AKR1A1: variants seen among roughly 807,000 people sequenced by gnomAD.
AKR1A1 encodes the protein HEL-S-165mP.
Under a neutral mutation model 39.2 loss-of-function variants are expected in AKR1A1, and 26 were observed. The ratio of observed to expected loss-of-function variants is 0.66; its 90% CI spans 0.49 to 0.92. The LOEUF (loss-of-function observed/expected upper bound fraction) is 0.92, where lower values mean the gene tolerates loss of function less well. AKR1A1 is among the 40% of genes least tolerant of loss of function. AKR1A1 has a pLI of 0.00. For synonymous variants in AKR1A1, 141 were observed against 155.5 expected (o/e 0.91, Z 0.69); for missense variants, 378 against 406.5 (o/e 0.93, Z 0.60).
At chr1:45,551,496 G>A (rs1489310410) in intron 1 of AKR1A1, among the ~76,000 whole-genome samples, 4 of 152,158 alleles carry the variant, frequency 2.6e-5, no homozygotes, top group Non-Finnish European at 4.4e-5. Context: ...CAGCTGCTCC[G>A]GCTTTCTTAT....
At chr1:45,554,883 G>A in intron 1 of AKR1A1, among the ~76,000 whole-genome samples, 1 of 152,070 alleles carries the variant, frequency 6.6e-6, no homozygotes, top group East Asian at 1.9e-4. Context: ...TAGAGATTAA[G>A]TTTTGCCATG....
At chr1:45,553,387 A>G (rs1406909473) in intron 1 of AKR1A1, among the ~76,000 whole-genome samples, 1 of 150,792 alleles carries the variant, frequency 6.6e-6, no homozygotes, top group African/African-American at 2.4e-5. Context: ...ACACCACTGT[A>G]CTCCAGCCTG....
At chr1:45,558,042 T>TG (rs965316930) in intron 1 of AKR1A1, among the ~76,000 whole-genome samples, 2 of 149,918 alleles carry the variant, frequency 1.3e-5, no homozygotes, top group Non-Finnish European at 3.0e-5. Flanking sequence ...CCCGAGTAGC[T>TG]GGGATTAAGG....
intron 1 of AKR1A1, among the ~76,000 whole-genome samples, chr1:45,555,109 C>A (rs1434818548): frequency 5.3e-5 from 8 of 152,178 alleles, no homozygotes; most frequent in Admixed American, 3.9e-4. Context: ...AGTCAACACT[C>A]TATCCACAAG....
At chr1:45,554,879 T>C (rs667626) in intron 1 of AKR1A1, among the ~76,000 whole-genome samples, 75,781 of 151,776 alleles carry the variant, frequency 0.5, 19,334 homozygotes, top group East Asian at 0.62. Flanking sequence ...TTTGTAGAGA[T>C]TAAGTTTTGC....
rs1219916224 is a variant in AKR1A1, at chr1:45,566,758, G to A, written c.204+70G>A. On this transcript the variant is annotated intron_variant, in intron 3 of 8. Coordinates refer to ENST00000351829, the MANE Select transcript of AKR1A1 (RefSeq NM_153326.3). Reference sequence around the variant, plus strand: ...AAGCTGAAGCTAGGGCTGGGGCCCAGCTGGAGGGAATCTGGCATCAGCTTC... The same window carrying A: ...AAGCTGAAGCTAGGGCTGGGGCCCAACTGGAGGGAATCTGGCATCAGCTTC... The A allele has an allele frequency of 5.0e-6, 8 of 1,600,256 alleles. No homozygotes were observed. In the Admixed American group the frequency reaches 1.4e-4, roughly 27 times the overall value.
chr1:45,569,222 T>G lies in AKR1A1; in HGVS notation c.905T>G (p.Met302Arg), dbSNP rs140905537. ...AAAAATTGGAGATATATTGTGCCTA[T>G]GCTTACGGTGAGGATGTATCAGCCT... ...LNKNWRYIVP[M>R]LTVDGKRVPR... Residue 302 changes from methionine (M) to arginine (R), a missense_variant, in exon 8 of 9, where the codon ATG (methionine) becomes AGG (arginine). Physicochemically the swap from Met to Arg is moderately conservative, Grantham distance 91. Coordinates refer to ENST00000351829, the MANE Select transcript of AKR1A1 (RefSeq NM_153326.3). The G allele has an allele frequency of 5.0e-6, 8 of 1,613,626 alleles. No individual in the cohort carries two copies. Among genetic ancestry groups the G allele is most frequent in the Middle Eastern group, 3.3e-4 (2 of 6,062 alleles).
At chr1:45,552,489 G>A (rs1294728050) in intron 1 of AKR1A1, 1 of 152,178 alleles carries the variant, frequency 6.6e-6, no homozygotes, top group Admixed American at 6.6e-5. Context: ...TTACATGTAT[G>A]AGCCACTGCA....
chr1:45,560,452 A>G (rs1644262961), intron 1 of AKR1A1, among the ~76,000 whole-genome samples: 1 of 152,214 alleles, frequency 6.6e-6, no homozygotes, highest in African/African-American at 2.4e-5. Flanking sequence ...TCTCTAAAAA[A>G]GTTTAAAAAC....
At chr1:45,556,719 A>C (rs1272357957) in intron 1 of AKR1A1, among the ~76,000 whole-genome samples, 1 of 151,100 alleles carries the variant, frequency 6.6e-6, no homozygotes. Context: ...TGTACTAAAA[A>C]TACAAAAATT....
intron 5 of AKR1A1, 25 bp from the exon 6 acceptor site, chr1:45,568,460 G>A (rs1381278708): frequency 1.2e-6 from 2 of 1,612,714 alleles, no homozygotes; most frequent in Non-Finnish European, 1.7e-6. Flanking sequence ...ACCACTTCAT[G>A]GTGATGGGTT....
rs372088222 is a variant in AKR1A1, at chr1:45,567,826, CAAAAA to C, written c.357-145_357-141del. ...TGGGCGGTAAAGCGAGACTCCATCTCAAAAAAAAAAAAAAAGAAAAAGCATGGCTT... is the reference window on the plus strand; with the variant it reads ...TGGGCGGTAAAGCGAGACTCCATCTCAAAAAAAAAAGAAAAAGCATGGCTT... On this transcript the variant is annotated intron_variant, in intron 4 of 8. Coordinates refer to ENST00000351829, the MANE Select transcript of AKR1A1 (RefSeq NM_153326.3). 14 of 533,302 alleles carry C rather than the reference CAAAAA, an allele frequency of 2.6e-5. No homozygotes were observed. The Admixed American group carries it at 4.1e-4, about 15-fold the overall frequency. 33.0% of individuals were successfully genotyped at this position (533,302 alleles called of 1,614,324 possible).
At position 45,566,629 on chromosome 1, in the gene AKR1A1, A is replaced by G. The variant is rs1164231268; in HGVS notation, c.145A>G (p.Ile49Val). Reference sequence around the variant, plus strand: ...CTACCGCCACATTGATTGTGCTGCTATCTACGGCAATGAGCCTGAGATTGG... The same window carrying G: ...CTACCGCCACATTGATTGTGCTGCTGTCTACGGCAATGAGCCTGAGATTGG... ...VGYRHIDCAAIYGNEPEIGEA... is the reference protein window; with the variant it reads ...VGYRHIDCAAVYGNEPEIGEA... Residue 49 changes from isoleucine to valine, a missense_variant, in exon 3 of 9, where the codon ATC (isoleucine) becomes GTC (valine). Coordinates refer to ENST00000351829, the MANE Select transcript of AKR1A1 (RefSeq NM_153326.3). The G allele has an allele frequency of 5.0e-6, 8 of 1,614,264 alleles. No homozygotes were observed. Among genetic ancestry groups the G allele is most frequent in the Non-Finnish European group, 6.8e-6 (8 of 1,180,048 alleles).
At chr1:45,557,645 C>A (rs1021389607) in intron 1 of AKR1A1, among the ~76,000 whole-genome samples, 6 of 152,186 alleles carry the variant, frequency 3.9e-5, no homozygotes, top group African/African-American at 1.4e-4. Context: ...GCATTAAGCC[C>A]AGGAAACCTG....
At chr1:45,566,832 T>C in intron 3 of AKR1A1, 37 bp from the exon 4 acceptor site, 1 of 1,607,446 alleles carries the variant, frequency 6.2e-7, no homozygotes, top group South Asian at 1.1e-5. Flanking sequence ...CACGTGCTCA[T>C]GGCTCTTCTC....
At chr1:45,553,420 C>A (rs1156275915) in intron 1 of AKR1A1, among the ~76,000 whole-genome samples, 17 of 147,652 alleles carry the variant, frequency 1.2e-4, no homozygotes, top group Middle Eastern at 3.2e-3. Context: ...GACTCTGTCT[C>A]AAAAAAAAAA....
intron 2 of AKR1A1, among the ~76,000 whole-genome samples, chr1:45,562,458 C>T (rs1036125607): frequency 2.0e-5 from 3 of 151,172 alleles, no homozygotes; most frequent in Admixed American, 6.6e-5. Context: ...CCTCCCACCT[C>T]AGCCTCCTGA....
intron 1 of AKR1A1, among the ~76,000 whole-genome samples, chr1:45,561,402 G>C (rs368752365): frequency 2.9e-5 from 1 of 35,002 alleles, no homozygotes; most frequent in African/African-American, 1.6e-4. Context: ...CCCTCTTCCC[G>C]GCCCATGCTT....
chr1:45,552,915 AG>A (rs1345389949), intron 1 of AKR1A1, among the ~76,000 whole-genome samples: 5 of 151,878 alleles, frequency 3.3e-5, no homozygotes, highest in African/African-American at 9.7e-5. Context: ...ACCTGAGGTC[AG>A]GAGTTCGAGA....
Sources: allele counts gnomAD v4.1 joint callset (sites outside exome capture counted in the v4.1 genomes callset), GRCh38; gene constraint gnomAD v4.1.1; transcripts MANE v1.5; gene names NCBI Gene and HGNC (gene_info 2026-07-23, HGNC 2026-07-21).